The following SORCS3 variants were observed in gnomAD, a reference collection of about 807,000 sequenced individuals.
SORCS3 encodes the protein sortilin related VPS10 domain containing receptor 3.
SORCS3 carries 57 observed loss-of-function variants against 146.3 expected under a neutral mutation model. The observed-to-expected ratio is 0.39, with a 90% CI of 0.31 to 0.49. The LOEUF (loss-of-function observed/expected upper bound fraction) is 0.49, where lower values mean the gene tolerates loss of function less well. Among genes scored for constraint, SORCS3 ranks in the 20% least tolerant of loss-of-function variants. The probability of loss-of-function intolerance (pLI) is 0.92; values close to 1 mark genes in which losing one functional copy is unlikely to be tolerated. For synonymous variants in SORCS3, 653 were observed against 618.5 expected, an observed-to-expected ratio of 1.06 and a Z score of -0.83; for missense variants, 1,341 against 1,575.5, an observed-to-expected ratio of 0.85 and a Z score of 2.52.
intron 1 of SORCS3, among the ~76,000 whole-genome samples, chr10:104,802,527 G>C (rs1392484649): frequency 1.3e-5 from 2 of 152,180 alleles, no homozygotes; most frequent in African/African-American, 2.4e-5. Flanking sequence ...GGAAAGTGGG[G>C]AGTGTGTAGG....
At chr10:104,889,499 T>G (rs1005764014) in intron 2 of SORCS3, among the ~76,000 whole-genome samples, 61 of 151,458 alleles carry the variant, frequency 4.0e-4, no homozygotes, top group African/African-American at 1.5e-3. Flanking sequence ...CTTTTTGACT[T>G]GCTGTGTATA....
At chr10:105,247,166 C>A (rs2056871296) in intron 21 of SORCS3, 53 bp from the exon 22 acceptor site, 3 of 1,010,666 alleles carry the variant, frequency 3.0e-6, no homozygotes, top group Non-Finnish European at 3.0e-6. Context: ...ACCTGTCACA[C>A]CCTCTCTCTT....
At chr10:104,713,130 T>TGTGTGTGC (rs2016438302) in intron 1 of SORCS3, among the ~76,000 whole-genome samples, 1 of 750 alleles carries the variant, frequency 1.3e-3, no homozygotes, top group Non-Finnish European at 0.042. Flanking sequence ...TGTGTGTGCG[T>TGTGTGTGC]GTGTGTGTGT....
At chr10:104,924,661 G>A (rs57185011) in intron 3 of SORCS3, among the ~76,000 whole-genome samples, 1,789 of 152,248 alleles carry the variant, frequency 0.012, 32 homozygotes, top group African/African-American at 0.04. Flanking sequence ...AAAGAATCAG[G>A]ATTTCTGTTT....
intron 2 of SORCS3, among the ~76,000 whole-genome samples, chr10:104,865,346 A>G (rs1423944896): frequency 5.3e-5 from 8 of 152,188 alleles, no homozygotes; most frequent in African/African-American, 1.7e-4. Context: ...TTGGATGGCA[A>G]ATCTTGACCT....
intron 4 of SORCS3, among the ~76,000 whole-genome samples, chr10:104,992,364 C>T (rs2054999541): frequency 6.6e-6 from 1 of 152,160 alleles, no homozygotes; most frequent in Admixed American, 6.5e-5. Context: ...GATGGAAACT[C>T]GTATTTTAGA....
chr10:104,901,678 T>C (rs1479922898), intron 2 of SORCS3, among the ~76,000 whole-genome samples: 2 of 152,146 alleles, frequency 1.3e-5, no homozygotes, highest in Non-Finnish European at 2.9e-5. Context: ...TTCCTGGTGG[T>C]CTTGTTATTA....
chr10:104,797,318 GAGTA>G (rs367810201), intron 1 of SORCS3, among the ~76,000 whole-genome samples: 3 of 152,254 alleles, frequency 2.0e-5, no homozygotes, highest in Non-Finnish European at 2.9e-5. Context: ...AATCAAAATG[GAGTA>G]AGTATTTTTT....
intron 14 of SORCS3, among the ~76,000 whole-genome samples, chr10:105,196,035 G>A (rs189008221): frequency 7.4e-6 from 1 of 134,944 alleles, no homozygotes; most frequent in East Asian, 2.1e-4. Context: ...TGTGAGGATT[G>A]CAAAACAGAA....
At chr10:105,228,437 GCTCTTTCTCT>G (rs1389803438) in intron 20 of SORCS3, among the ~76,000 whole-genome samples, 9 of 137,720 alleles carry the variant, frequency 6.5e-5, no homozygotes, top group South Asian at 2.3e-4. Context: ...TTTCTTTCTT[GCTCTTTCTCT>G]CTCTTTCTCT....
chr10:104,864,146 A>T (rs2018434569), intron 2 of SORCS3, among the ~76,000 whole-genome samples: 1 of 152,202 alleles, frequency 6.6e-6, no homozygotes, highest in Non-Finnish European at 1.5e-5. Flanking sequence ...AAATGAGCTG[A>T]ATATGATACT....
At chr10:104,891,433 C>A (rs1335751303) in intron 2 of SORCS3, among the ~76,000 whole-genome samples, 1 of 152,148 alleles carries the variant, frequency 6.6e-6, no homozygotes, top group Non-Finnish European at 1.5e-5. Flanking sequence ...ACTCTAGCTG[C>A]TTTGCCTTAG....
chr10:104,674,111 T>C (rs61096992), intron 1 of SORCS3, among the ~76,000 whole-genome samples: 16,003 of 152,274 alleles, frequency 0.11, 914 homozygotes, highest in Admixed American at 0.14. Flanking sequence ...AAAGCTCCTT[T>C]ATGTTTGCTG....
chr10:105,228,681 C>T (rs1026551585), intron 20 of SORCS3, among the ~76,000 whole-genome samples: 1 of 152,050 alleles, frequency 6.6e-6, no homozygotes. Flanking sequence ...CCTATTCTCT[C>T]CTGGTTTGTA....
chr10:104,758,060 T>A (rs1197282689), intron 1 of SORCS3, among the ~76,000 whole-genome samples: 1 of 152,158 alleles, frequency 6.6e-6, no homozygotes, highest in East Asian at 1.9e-4. Context: ...TTGGAGTAGA[T>A]CCTTTGGGAG....
chr10:105,066,877 G>A (rs1477176892), intron 5 of SORCS3, among the ~76,000 whole-genome samples: 1 of 152,054 alleles, frequency 6.6e-6, no homozygotes, highest in Non-Finnish European at 1.5e-5. Context: ...AAAAAGTAGA[G>A]CCTAAAAGAC....
chr10:105,105,034 G>A (rs1177659854), intron 6 of SORCS3, among the ~76,000 whole-genome samples: 1 of 152,110 alleles, frequency 6.6e-6, no homozygotes, highest in Non-Finnish European at 1.5e-5. Flanking sequence ...AACATCTAGA[G>A]AATTAGAATT....
At chr10:104,728,762 T>C (rs1029598779) in intron 1 of SORCS3, among the ~76,000 whole-genome samples, 2 of 152,186 alleles carry the variant, frequency 1.3e-5, no homozygotes, top group African/African-American at 2.4e-5. Flanking sequence ...GCTGATCTTT[T>C]CTAGCTCTAG....
chr10:105,071,039 A>G (rs183565037), intron 5 of SORCS3, among the ~76,000 whole-genome samples: 2 of 151,738 alleles, frequency 1.3e-5, no homozygotes, highest in Non-Finnish European at 3.0e-5. Flanking sequence ...GGGATGAGCT[A>G]TTCCCCTTCT....
Sources: gnomAD v4.1 joint callset for allele counts (sites outside exome capture counted in the v4.1 genomes callset) on GRCh38, gnomAD v4.1.1 for gene constraint, MANE v1.5 for transcripts, NCBI Gene and HGNC (gene_info 2026-07-23, HGNC 2026-07-21) for gene names.